The following OPCML variants were observed in gnomAD, a reference collection of about 807,000 sequenced individuals.
OPCML encodes the protein opioid-binding protein/cell adhesion molecule.
A neutral mutation model predicts 37.8 loss-of-function variants in OPCML; 13 were observed. That is an observed-to-expected ratio of 0.34 (90% confidence interval 0.22 to 0.55). The LOEUF (loss-of-function observed/expected upper bound fraction) is 0.55, where lower values mean the gene tolerates loss of function less well. Ranked by LOEUF, OPCML falls within the 20% of genes least tolerant of loss-of-function variation. The pLI is 0.91. For synonymous variants in OPCML, 176 were observed against 168.8 expected (o/e 1.04, Z -0.33); for missense variants, 341 against 435.6 (o/e 0.78, Z 1.93).
chr11:132,550,215 G>A (rs1328379917), intron 3 of OPCML, among the ~76,000 whole-genome samples: 1 of 152,160 alleles, frequency 6.6e-6, no homozygotes, highest in Non-Finnish European at 1.5e-5. Context: ...GTGACATTAA[G>A]GGGGTGATAA....
chr11:133,339,646 G>T (rs1943819183), intron 1 of OPCML, among the ~76,000 whole-genome samples: 1 of 152,128 alleles, frequency 6.6e-6, no homozygotes, highest in Admixed American at 6.6e-5. Context: ...CTGAAGTCCA[G>T]CCCGCTGCTC....
At chr11:133,298,959 G>A (rs1047338391) in intron 1 of OPCML, 6 of 151,796 alleles carry the variant, frequency 4.0e-5, no homozygotes, top group Non-Finnish European at 7.4e-5. Context: ...TATTTGACTA[G>A]AGAAGGAAGT....
At chr11:132,728,047 A>G (rs1026089967) in intron 2 of OPCML, among the ~76,000 whole-genome samples, 6 of 152,222 alleles carry the variant, frequency 3.9e-5, no homozygotes, top group African/African-American at 1.4e-4. Context: ...CTCACCAGGG[A>G]GCTTCAAGAA....
At chr11:133,472,205 C>T (rs1947131998) in intron 1 of OPCML, among the ~76,000 whole-genome samples, 1 of 152,168 alleles carries the variant, frequency 6.6e-6, no homozygotes. Context: ...TCCTCAAATC[C>T]TCTGCAAATG....
intron 1 of OPCML, among the ~76,000 whole-genome samples, chr11:133,080,168 G>A (rs1948688431): frequency 6.6e-6 from 1 of 152,170 alleles, no homozygotes. Context: ...CCAGCCAGAT[G>A]CAGATGGCCG....
chr11:132,738,840 C>A (rs1035743068), intron 2 of OPCML, among the ~76,000 whole-genome samples: 4 of 152,194 alleles, frequency 2.6e-5, no homozygotes, highest in Admixed American at 6.5e-5. Context: ...GTGGTACCTT[C>A]AACCTTGTAT....
rs117901104 is a variant in OPCML at position 132,824,010 on chromosome 11, G to A, written c.146+118916C>T. Among the ~76,000 whole-genome samples the A allele has an allele frequency of 9.4e-3, 1,438 of 152,214 alleles. 76 individuals are homozygous for A. Among genetic ancestry groups the A allele is most frequent in the Non-Finnish European group, 2.9e-3 (199 of 68,018 alleles). On this transcript the variant is annotated intron_variant, in intron 2 of 7. Transcript: ENST00000524381. ...ACACCTGTCTAATTGCTGGAGTGCC[G>A]TAGGGTTCAATCCTGAAACTCTTTC...
At chr11:132,589,108 A>T (rs1591593184) in intron 3 of OPCML, among the ~76,000 whole-genome samples, 1 of 152,338 alleles carries the variant, frequency 6.6e-6, no homozygotes, top group Non-Finnish European at 1.5e-5. Context: ...TCCATCAGTT[A>T]TGAAAATTTG....
At chr11:132,505,867 T>G (rs1254768800) in intron 4 of OPCML, among the ~76,000 whole-genome samples, 1 of 151,426 alleles carries the variant, frequency 6.6e-6, no homozygotes, top group Non-Finnish European at 1.5e-5. Context: ...CATTAAATAT[T>G]TAACACATGC....
intron 1 of OPCML, among the ~76,000 whole-genome samples, chr11:133,210,992 G>C (rs1207828032): frequency 1.3e-5 from 2 of 151,980 alleles, no homozygotes; most frequent in East Asian, 3.9e-4. Flanking sequence ...AAGAGGAAAG[G>C]ATTTAGCTGA....
At chr11:133,035,543 C>A (rs1012127302) in intron 1 of OPCML, among the ~76,000 whole-genome samples, 1 of 152,166 alleles carries the variant, frequency 6.6e-6, no homozygotes, top group Non-Finnish European at 1.5e-5. Flanking sequence ...TTATTTCTTC[C>A]AGTATGTGGC....
At chr11:132,971,528 T>C (rs1011020850) in intron 1 of OPCML, among the ~76,000 whole-genome samples, 8 of 152,360 alleles carry the variant, frequency 5.3e-5, no homozygotes, top group South Asian at 2.1e-4. Context: ...TGCTTTGCAC[T>C]ATAGCTTTTC....
At chr11:133,190,740 G>C (rs1022833545) in intron 1 of OPCML, among the ~76,000 whole-genome samples, 1 of 152,098 alleles carries the variant, frequency 6.6e-6, no homozygotes, top group Non-Finnish European at 1.5e-5. Flanking sequence ...GCAAGAAATG[G>C]TCTTTTGCGA....
chr11:132,696,498 C>T (rs948329299), intron 2 of OPCML, among the ~76,000 whole-genome samples: 2 of 151,924 alleles, frequency 1.3e-5, no homozygotes, highest in African/African-American at 4.8e-5. Flanking sequence ...TAAGATGATA[C>T]TATACCAATA....
At chr11:132,776,221 C>A (rs1030432356) in intron 2 of OPCML, among the ~76,000 whole-genome samples, 2 of 152,308 alleles carry the variant, frequency 1.3e-5, no homozygotes, top group East Asian at 3.9e-4. Flanking sequence ...TGAGTCACCG[C>A]GCCCAGCTGC....
At position 133,006,074 on chromosome 11, in the gene OPCML, T is replaced by C. The variant is rs371230244; in HGVS notation, c.62-63064A>G. 4.3e-5 allele frequency: 42 copies of C among 985,328 alleles called. No individual in the cohort carries two copies. The East Asian group carries it at 1.7e-3, about 40-fold the overall frequency. The allele number at this position is 985,328 out of a possible 1,614,324, so 61.0% of individuals were successfully genotyped here. On this transcript the variant is annotated intron_variant, in intron 1 of 7. Coordinates refer to ENST00000524381, the MANE Select transcript of OPCML (RefSeq NM_001012393.5). ...AAGGGCGACCGGGAATGGAGTGTGC[T>C]CATAACAGTGAGACCAGGGTTTCTG...
chr11:133,217,340 G>C (rs1939628292), intron 1 of OPCML, among the ~76,000 whole-genome samples: 1 of 152,140 alleles, frequency 6.6e-6, no homozygotes, highest in Non-Finnish European at 1.5e-5. Context: ...GCAGAATTGG[G>C]GTCCCAGTGT....
intron 1 of OPCML, among the ~76,000 whole-genome samples, chr11:133,154,847 A>G (rs1405706563): frequency 1.3e-5 from 2 of 152,228 alleles, no homozygotes; most frequent in Non-Finnish European, 2.9e-5. Flanking sequence ...ATGAGAATCA[A>G]AGTTTCTGTG....
At chr11:132,888,801 A>G (rs1240394580) in intron 2 of OPCML, among the ~76,000 whole-genome samples, 1 of 152,152 alleles carries the variant, frequency 6.6e-6, no homozygotes, top group Non-Finnish European at 1.5e-5. Context: ...ATGCATTTTA[A>G]TAATTTAAAG....
Sources: allele counts gnomAD v4.1 joint callset (sites outside exome capture counted in the v4.1 genomes callset), GRCh38; gene constraint gnomAD v4.1.1; transcripts MANE v1.5; gene names NCBI Gene and HGNC (gene_info 2026-07-23, HGNC 2026-07-21).